RPS6KB2: variants seen among roughly 807,000 people sequenced by gnomAD.
RPS6KB2 encodes ribosomal protein S6 kinase B2, also known as ribosomal protein S6 kinase beta-2.
Under a neutral mutation model 58.2 loss-of-function variants are expected in RPS6KB2, and 51 were observed. The ratio of observed to expected loss-of-function variants is 0.88; its 90% CI spans 0.70 to 1.11. The LOEUF (loss-of-function observed/expected upper bound fraction) is 1.11, where lower values mean the gene tolerates loss of function less well. Ranked by LOEUF, RPS6KB2 falls within the 50% of genes least tolerant of loss-of-function variation. RPS6KB2 has a pLI of 0.00. For synonymous variants in RPS6KB2, 293 were observed against 258.6 expected (o/e 1.13, Z -1.28); for missense variants, 671 against 655.8 (o/e 1.02, Z -0.25).
At position 67,432,932 on chromosome 11, in the gene RPS6KB2, T is replaced by C. The variant is rs749480790; in HGVS notation, c.617-20T>C. 4.3e-6 allele frequency: 7 copies of C among 1,612,624 alleles called. No homozygotes were observed. The highest frequency in any genetic ancestry group is 5.9e-6 in the Non-Finnish European group (7 of 1,179,596). ...GGTGGGGTGGGGCCCTGGTCACGCC[T>C]CTCCAACACCCTTCCTCAGGCCACA... On this transcript the variant is annotated intron_variant, in intron 7 of 14. Transcript: ENST00000312629.
At chr11:67,434,298 A>AGTGGCCG (rs765326802) in intron 12 of RPS6KB2, 23 bp downstream of exon 12, 4 of 1,612,616 alleles carry the variant, frequency 2.5e-6, no homozygotes, top group Admixed American at 3.3e-5. Context: ...GCTGGTGGCC[A>AGTGGCCG]GTGGCCGGTG....
At position 67,432,975 on chromosome 11, in the gene RPS6KB2, G is replaced by A. The variant is rs765867113; in HGVS notation, c.640G>A (p.Gly214Arg). 25 of 1,613,326 alleles carry A rather than the reference G, an allele frequency of 1.5e-5. No homozygotes were observed. In the East Asian group the frequency reaches 5.6e-4, roughly 36 times the overall value. ...AGGCCACATCAAACTGACCGACTTT[G>A]GACTCTGCAAGGAGTCTATCCATGA... Reference protein sequence around the residue: ...SQGHIKLTDFGLCKESIHEGA... With the variant: ...SQGHIKLTDFRLCKESIHEGA... The change falls in exon 8 of 15, where the codon GGA becomes AGA. Residue 214 changes from glycine (G) to arginine (R), a missense_variant. Coordinates refer to ENST00000312629, the MANE Select transcript of RPS6KB2 (RefSeq NM_003952.3).
intron 4 of RPS6KB2, chr11:67,429,892 C>T (rs1863967671): frequency 7.1e-6 from 2 of 280,110 alleles, no homozygotes; most frequent in Admixed American, 5.0e-5. Context: ...TGGCTCACTG[C>T]CACCTCTGTC....
Position 67,434,457 on chromosome 11 carries a change from C to T in RPS6KB2, c.1128C>T (p.Leu376=), listed in dbSNP as rs1864183229. The T allele has an allele frequency of 6.2e-7, 1 of 1,612,724 alleles. No homozygotes were observed. The highest frequency in any genetic ancestry group is 8.5e-7 in the Non-Finnish European group (1 of 1,179,962). Residue 376 remains leucine, a synonymous_variant, in exon 13 of 15, where the codon CTC becomes CTT. Coordinates refer to ENST00000312629, the MANE Select transcript of RPS6KB2 (RefSeq NM_003952.3). The part of the protein sequence containing the change: ...TPVDSPDDTA[L]SESANQAFLG... ...TGGACAGTCCTGATGACACAGCCCT[C>T]AGCGAGAGTGCCAACCAGGCCTTCC...
Position 67,435,310 on chromosome 11 carries a change from G to GGCA in RPS6KB2, c.*144_*146dup. ...GCGTATGAAAGTGTGTGTCTGCTGG[G>GGCA]GCAGCTGTGCCCCTGAATCATGGGC... On this transcript the variant is annotated 3_prime_UTR_variant, in exon 15 of 15. Coordinates refer to ENST00000312629, the MANE Select transcript of RPS6KB2 (RefSeq NM_003952.3). 1 of 828,810 alleles carries GGCA rather than the reference G, an allele frequency of 1.2e-6. No homozygotes were observed. The highest frequency in any genetic ancestry group is 3.0e-5 in the Admixed American group (1 of 32,974). 51.3% of individuals were successfully genotyped at this position (828,810 alleles called of 1,614,324 possible). A position where few individuals can be genotyped will look rare whatever the true frequency, so the allele number is the denominator to read the frequency against.
chr11:67,428,787 G>C, intron 1 of RPS6KB2, 164 bp downstream of exon 1: 2 of 903,234 alleles, frequency 2.2e-6, no homozygotes, highest in South Asian at 3.0e-5. Flanking sequence ...CCCTCACCCC[G>C]ACCTCTCTTC....
Position 67,428,550 on chromosome 11 carries a change from C to T in RPS6KB2, c.5C>T (p.Ala2Val), listed in dbSNP as rs371622957. Residue 2 changes from alanine (A) to valine (V), a missense_variant, in exon 1 of 15, where the codon GCG becomes GTG. Transcript: ENST00000312629. M[A>V]AVFDLDLETE... ...GCCCGCGGGGCCGGCGCCGCCATGG[C>T]GGCCGTGTTTGATTTGGATTTGGAG... The T allele has an allele frequency of 1.1e-4, 183 of 1,608,432 alleles. No homozygotes were observed. Among genetic ancestry groups the T allele is most frequent in the Non-Finnish European group, 1.5e-4 (172 of 1,177,794 alleles).
intron 5 of RPS6KB2, chr11:67,432,041 C>A (rs1175226262): frequency 3.0e-6 from 1 of 328,024 alleles, no homozygotes; most frequent in Non-Finnish European, 6.0e-6. Context: ...ATTCAGAGTC[C>A]TGCGGCTGGC....
Position 67,429,042 on chromosome 11 carries a change from G to T in RPS6KB2, c.119+20G>T. The T allele has an allele frequency of 6.2e-7, 1 of 1,613,846 alleles. No homozygotes were observed. Among genetic ancestry groups the T allele is most frequent in the Non-Finnish European group, 8.5e-7 (1 of 1,179,874 alleles). Reference sequence around the variant, plus strand: ...CCTAGAGTGAGTGAGGGTCGTGTTGGGGGAGGGGGGAATGGAGTGGGGAAG... The same window carrying T: ...CCTAGAGTGAGTGAGGGTCGTGTTGTGGGAGGGGGGAATGGAGTGGGGAAG... On this transcript the variant is annotated intron_variant, in intron 2 of 14. Transcript: ENST00000312629.
rs1296312712 is a variant in RPS6KB2, at chr11:67,429,240, G to T, written c.240G>T (p.Lys80Asn). 6 of 1,612,504 alleles carry T rather than the reference G, an allele frequency of 3.7e-6. No homozygotes were observed. The African/African-American group carries it at 8.0e-5, about 22-fold the overall frequency. The stretch of plus-strand genomic sequence containing the variant: ...TGCTGGGCAAGGGGGGCTATGGCAA[G>T]GTAGGGGCGGGCGCACCCTCCTCCT... ...LRVLGKGGYG[K>N]VFQVRKVQGT... is the part of the protein sequence containing the mutation. The change falls in exon 3 of 15, where the codon AAG becomes AAT. Residue 80 changes from lysine (K) to asparagine (N), a missense_variant and splice_region_variant. By Grantham distance (94) the Lys-to-Asn change is moderately conservative. Transcript: ENST00000312629.
chr11:67,431,661 C>T (rs1247983259), intron 5 of RPS6KB2, 146 bp downstream of exon 5: 2 of 642,190 alleles, frequency 3.1e-6, no homozygotes, highest in Non-Finnish European at 2.7e-6. Flanking sequence ...TCCATCCATC[C>T]ATCCGTGCAT....
At position 67,433,411 on chromosome 11, in the gene RPS6KB2, CT is replaced by C. The variant is rs780927346; in HGVS notation, c.871del (p.Tyr291ThrfsTer14). The stretch of plus-strand genomic sequence containing the variant: ...TCAGGGGCAAGCTGGCACTGCCCCC[CT>C]ACCTCACCCCAGATGCCCGGGACCT... Reference protein sequence around the residue: ...IIRGKLALPPYLTPDARDLVK... With the variant: ...IIRGKLALPPXLTPDARDLVK... On this transcript the variant is annotated frameshift_variant, in exon 10 of 15. Coordinates refer to ENST00000312629, the MANE Select transcript of RPS6KB2 (RefSeq NM_003952.3). LOFTEE classifies it high-confidence loss of function. 1.2e-5 allele frequency: 20 copies of C among 1,613,778 alleles called. No homozygotes were observed. The highest frequency in any genetic ancestry group is 1.7e-5 in the Non-Finnish European group (20 of 1,179,878).
chr11:67,429,657 G>T (rs1863961539), intron 4 of RPS6KB2, 62 bp downstream of exon 4: 2 of 1,344,572 alleles, frequency 1.5e-6, no homozygotes, highest in African/African-American at 1.4e-5. Flanking sequence ...GCTGTACCAG[G>T]CTTTGGGAAG....
At position 67,431,404 on chromosome 11, in the gene RPS6KB2, A is replaced by G; in HGVS notation, c.346A>G (p.Thr116Ala). Residue 116 changes from threonine (T) to alanine (A), a missense_variant, in exon 5 of 15, where the codon ACA (threonine) becomes GCA (alanine). Thr to Ala is a moderately conservative substitution (Grantham distance 58). Transcript: ENST00000312629. ...GCGCAATGCCAAGGACACAGCACAC[A>G]CACGGGCTGAGCGGAACATTCTAGA... is the stretch of plus-strand genomic sequence containing the variant. Reference protein sequence around the residue: ...IVRNAKDTAHTRAERNILESV... With the variant: ...IVRNAKDTAHARAERNILESV... The G allele has an allele frequency of 3.1e-6, 5 of 1,614,166 alleles. No individual in the cohort carries two copies. Among genetic ancestry groups the G allele is most frequent in the Non-Finnish European group, 4.2e-6 (5 of 1,180,034 alleles).
chr11:67,434,188 C>T lies in RPS6KB2; in HGVS notation c.970-10C>T, dbSNP rs754738522. On this transcript the variant is annotated splice_polypyrimidine_tract_variant and intron_variant, in intron 11 of 14. Transcript: ENST00000312629. Reference sequence around the variant, plus strand: ...GCTGTTAGTGGGTTTGGTGCATTCTCTACCTACAGAGACATCCCTTTTTCC... The same window carrying T: ...GCTGTTAGTGGGTTTGGTGCATTCTTTACCTACAGAGACATCCCTTTTTCC... 3 of 1,614,060 alleles carry T rather than the reference C, an allele frequency of 1.9e-6. No individual in the cohort carries two copies. Among genetic ancestry groups the T allele is most frequent in the Non-Finnish European group, 2.5e-6 (3 of 1,179,968 alleles).
At position 67,432,956 on chromosome 11, in the gene RPS6KB2, C is replaced by T. The variant is rs772382809; in HGVS notation, c.621C>T (p.His207=). ...CTCTCCAACACCCTTCCTCAGGCCA[C>T]ATCAAACTGACCGACTTTGGACTCT... ...PENIMLSSQG[H]IKLTDFGLCK... is the part of the protein sequence containing the mutation. Residue 207 remains histidine (H), a synonymous_variant, in exon 8 of 15, where the codon CAC becomes CAT. Transcript: ENST00000312629. 2 of 1,613,356 alleles carry T rather than the reference C, an allele frequency of 1.2e-6. No individual in the cohort carries two copies. The highest frequency in any genetic ancestry group is 2.2e-5 in the East Asian group (1 of 44,888).
At chr11:67,432,431 A>C in intron 5 of RPS6KB2, 169 bp from the exon 6 acceptor site, 1 of 751,482 alleles carries the variant, frequency 1.3e-6, no homozygotes, top group Non-Finnish European at 2.3e-6. Context: ...CCAGGCACCG[A>C]GTAGGCGTCG....
intron 5 of RPS6KB2, chr11:67,432,057 A>T: frequency 3.0e-6 from 1 of 329,230 alleles, no homozygotes; most frequent in South Asian, 2.5e-5. Flanking sequence ...CTGGCTGCCC[A>T]CATCAAGCCT....
chr11:67,428,622 C>G lies in RPS6KB2; in HGVS notation c.77C>G (p.Ala26Gly), dbSNP rs780270650. The G allele has an allele frequency of 6.2e-7, 1 of 1,608,606 alleles. No homozygotes were observed. Among genetic ancestry groups the G allele is most frequent in the Non-Finnish European group, 8.5e-7 (1 of 1,177,938 alleles). Reference sequence around the variant, plus strand: ...GAGGGCGAGCCAGAGCTCAGCCCCGCGGTGAGTGCCCTGCCCTGGCGCGAC... The same window carrying G: ...GAGGGCGAGCCAGAGCTCAGCCCCGGGGTGAGTGCCCTGCCCTGGCGCGAC... ...EGEGEPELSP[A>G]DACPLAELRA... The change falls in exon 1 of 15, where the codon GCG becomes GGG. Residue 26 changes from alanine (A) to glycine (G), a missense_variant and splice_region_variant. Physicochemically the swap from Ala to Gly is moderately conservative, Grantham distance 60. Transcript: ENST00000312629.
Sources: allele counts gnomAD v4.1 joint callset, GRCh38; gene constraint gnomAD v4.1.1; transcripts MANE v1.5; gene names NCBI Gene and HGNC (gene_info 2026-07-23, HGNC 2026-07-21).